GNA14: variants seen among roughly 807,000 people sequenced by gnomAD.
GNA14 encodes the protein G protein subunit alpha 14.
In GNA14, 50 loss-of-function variants were observed where a neutral mutation model predicts 42.0. The ratio of observed to expected loss-of-function variants is 1.19; its 90% CI spans 0.95 to 1.51. The LOEUF (loss-of-function observed/expected upper bound fraction) is 1.51, where lower values mean the gene tolerates loss of function less well. Among genes scored for constraint, GNA14 ranks in the 40% most tolerant of loss-of-function variants. GNA14 has a pLI of 0.00. For synonymous variants in GNA14, 173 were observed against 163.1 expected (o/e 1.06, Z -0.46); for missense variants, 473 against 446.2 (o/e 1.06, Z -0.54).
intron 1 of GNA14, among the ~76,000 whole-genome samples, chr9:77,580,956 C>T (rs79447031): frequency 0.023 from 3,485 of 151,858 alleles, 59 homozygotes; most frequent in Middle Eastern, 0.068. Context: ...TGCCTCACTG[C>T]CCATTGATTT....
chr9:77,519,413 A>G (rs888312658), intron 2 of GNA14, among the ~76,000 whole-genome samples: 5 of 152,144 alleles, frequency 3.3e-5, no homozygotes, highest in South Asian at 2.1e-4. Context: ...TCTGCCTCAA[A>G]AGAAGAAAAA....
At chr9:77,461,465 A>G (rs1836104694) in intron 2 of GNA14, among the ~76,000 whole-genome samples, 1 of 152,212 alleles carries the variant, frequency 6.6e-6, no homozygotes, top group African/African-American at 2.4e-5. Flanking sequence ...GGGCTCAGAA[A>G]GCTTGGGCAA....
intron 1 of GNA14, among the ~76,000 whole-genome samples, chr9:77,616,088 A>G (rs1173619856): frequency 6.6e-6 from 1 of 152,170 alleles, no homozygotes; most frequent in Non-Finnish European, 1.5e-5. Flanking sequence ...TTATGTTGGG[A>G]TACAAGTAAA....
At chr9:77,479,496 G>A (rs546846930) in intron 2 of GNA14, among the ~76,000 whole-genome samples, 172 of 152,190 alleles carry the variant, frequency 1.1e-3, no homozygotes, top group African/African-American at 3.8e-3. Flanking sequence ...GGATTGACTT[G>A]GTGATGCGGG....
intron 1 of GNA14, among the ~76,000 whole-genome samples, chr9:77,630,713 T>A (rs1002125151): frequency 7.9e-5 from 12 of 152,216 alleles, no homozygotes. Context: ...AAAACTAGTT[T>A]TTTTTAGCTT....
At chr9:77,537,622 G>A (rs902075941) in intron 1 of GNA14, among the ~76,000 whole-genome samples, 1 of 152,130 alleles carries the variant, frequency 6.6e-6, no homozygotes, top group Non-Finnish European at 1.5e-5. Flanking sequence ...TGGATTGTAT[G>A]GTAATCTATT....
At chr9:77,532,121 T>A (rs990920687) in intron 1 of GNA14, among the ~76,000 whole-genome samples, 6 of 148,114 alleles carry the variant, frequency 4.1e-5, no homozygotes, top group Admixed American at 2.0e-4. Context: ...AGCTAGTGTA[T>A]TTTTTTTTTC....
intron 2 of GNA14, among the ~76,000 whole-genome samples, chr9:77,435,976 G>A (rs1049772852): frequency 5.9e-5 from 9 of 152,212 alleles, no homozygotes; most frequent in African/African-American, 9.6e-5. Context: ...CAAACCATCT[G>A]CTTGGTAGCT....
intron 6 of GNA14, among the ~76,000 whole-genome samples, chr9:77,424,676 C>T (rs1206434646): frequency 1.3e-5 from 2 of 152,144 alleles, no homozygotes; most frequent in African/African-American, 4.8e-5. Flanking sequence ...CCTCTGGTAT[C>T]TAAAAATTGT....
intron 1 of GNA14, among the ~76,000 whole-genome samples, chr9:77,561,074 C>T (rs1822875690): frequency 1.3e-5 from 2 of 152,174 alleles, no homozygotes; most frequent in South Asian, 2.1e-4. Context: ...ACTACAAACA[C>T]TAACTTAGGT....
chr9:77,618,616 ATATATTTTTTT>A (rs1823869928), intron 1 of GNA14, among the ~76,000 whole-genome samples: 1 of 10,174 alleles, frequency 9.8e-5, no homozygotes, highest in Non-Finnish European at 1.6e-4. Flanking sequence ...ATATATATAT[ATATATTTTTTT>A]TTTTTTTTTT....
Position 77,491,281 on chromosome 9 carries a change from A to T in GNA14, c.309+37788T>A, listed in dbSNP as rs963990247. ...ACATTTGAAGGTATAAAATCCACTG[A>T]TAAAATTAAGTACATGGACAAATGC... On this transcript the variant is annotated intron_variant, in intron 2 of 6. Coordinates refer to ENST00000341700, the MANE Select transcript of GNA14 (RefSeq NM_004297.4). Among the ~76,000 whole-genome samples the T allele has an allele frequency of 2.6e-5, 4 of 152,390 alleles. No individual in the cohort carries two copies. In the South Asian group the frequency reaches 8.3e-4, roughly 32 times the overall value.
At chr9:77,598,961 A>G (rs1823509752) in intron 1 of GNA14, among the ~76,000 whole-genome samples, 1 of 152,258 alleles carries the variant, frequency 6.6e-6, no homozygotes, top group Non-Finnish European at 1.5e-5. Context: ...AGCTGGAGAT[A>G]TAAACAAGAA....
chr9:77,425,296 C>T (rs548088788), intron 6 of GNA14, among the ~76,000 whole-genome samples: 9 of 152,138 alleles, frequency 5.9e-5, no homozygotes, highest in South Asian at 2.1e-4. Flanking sequence ...GAAGGGGAGG[C>T]CTTTGCTGGG....
intron 1 of GNA14, among the ~76,000 whole-genome samples, chr9:77,610,890 G>C (rs1823719534): frequency 1.3e-5 from 2 of 152,164 alleles, no homozygotes; most frequent in African/African-American, 4.8e-5. Context: ...TCTCTCATTT[G>C]TGTGAAAGGG....
intron 1 of GNA14, among the ~76,000 whole-genome samples, chr9:77,562,757 A>G (rs1366070947): frequency 6.6e-6 from 1 of 152,212 alleles, no homozygotes; most frequent in African/African-American, 2.4e-5. Flanking sequence ...AAGATCAAAT[A>G]ACTTTATGTT....
At chr9:77,502,327 T>A (rs1836989597) in intron 2 of GNA14, among the ~76,000 whole-genome samples, 1 of 152,216 alleles carries the variant, frequency 6.6e-6, no homozygotes, top group Non-Finnish European at 1.5e-5. Context: ...TCCTGATACT[T>A]GGTATAGTCA....
In GNA14 at chr9:77,429,152, A is replaced by G. The variant is rs1835505162; in HGVS notation, c.594-116T>C. On this transcript the variant is annotated intron_variant, in intron 4 of 6. Transcript: ENST00000341700. ...CTTGGAGTCCTCAGTAATTTCTAAG[A>G]GAGAAAAGAGGTTCTAAGTTTTAAA... 4 of 938,132 alleles carry G rather than the reference A, an allele frequency of 4.3e-6. No homozygotes were observed. In the South Asian group the frequency reaches 4.9e-5, roughly 12 times the overall value. 58.1% of individuals were successfully genotyped at this position (938,132 alleles called of 1,614,324 possible). A position where few individuals can be genotyped will look rare whatever the true frequency, so the allele number is the denominator to read the frequency against.
intron 1 of GNA14, among the ~76,000 whole-genome samples, chr9:77,642,517 G>C (rs1193707925): frequency 6.6e-6 from 1 of 152,178 alleles, no homozygotes; most frequent in Non-Finnish European, 1.5e-5. Flanking sequence ...TGTAATCCCA[G>C]CACTTTGGGA....
Sources: gnomAD v4.1 joint callset for allele counts (sites outside exome capture counted in the v4.1 genomes callset) on GRCh38, gnomAD v4.1.1 for gene constraint, MANE v1.5 for transcripts, NCBI Gene and HGNC (gene_info 2026-07-23, HGNC 2026-07-21) for gene names.